Variants in RFX7 observed in about 807,000 individuals in gnomAD.
The protein encoded by RFX7 is regulatory factor X7.
A neutral mutation model predicts 111.8 loss-of-function variants in RFX7; 26 were observed. The ratio of observed to expected loss-of-function variants is 0.23; its 90% confidence interval spans 0.17 to 0.32. The LOEUF is 0.32. RFX7 is among the 10% of genes least tolerant of loss of function. RFX7 has a pLI of 1.00. For synonymous variants in RFX7, 624 were observed against 624.4 expected (o/e 1.00, Z 0.01); for missense variants, 1,573 against 1,772.9 (o/e 0.89, Z 2.02).
chr15:56,164,912 GA>G (rs1397820563), intron 3 of RFX7, among the ~76,000 whole-genome samples: 4 of 152,172 alleles, frequency 2.6e-5, no homozygotes, highest in African/African-American at 9.7e-5. Context: ...AAGGTAGAAA[GA>G]AAAAGTCTTT....
rs559075028 is a variant in RFX7 at position 56,100,178 on chromosome 15, T to C, written c.811+1181A>G. Among the ~76,000 whole-genome samples the C allele has an allele frequency of 1.1e-4, 17 of 152,348 alleles. No homozygotes were observed. In the South Asian group the frequency reaches 1.7e-3, roughly 15 times the overall value. On this transcript the variant is annotated intron_variant, in intron 8 of 9. Coordinates refer to ENST00000559447, the MANE Select transcript of RFX7 (RefSeq NM_022841.7). ...ACTTATGTGCCCATGGACAAGTTAA[T>C]TGACCTCCCCAAGTCTATAAATTGG... is the stretch of plus-strand genomic sequence containing the variant.
At chr15:56,133,941 C>CTTTGTATTGTAAGAG (rs2042252508) in intron 5 of RFX7, among the ~76,000 whole-genome samples, 2 of 152,074 alleles carry the variant, frequency 1.3e-5, no homozygotes, top group Admixed American at 1.3e-4. Context: ...TTACAATAAC[C>CTTTGTATTGTAAGAG]ATATTATTTG....
chr15:56,174,446 A>G (rs1419882657), intron 3 of RFX7, among the ~76,000 whole-genome samples: 1 of 152,162 alleles, frequency 6.6e-6, no homozygotes, highest in East Asian at 1.9e-4. Context: ...ATTGTTGGAT[A>G]AAAATCAGCA....
intron 2 of RFX7, among the ~76,000 whole-genome samples, chr15:56,204,666 G>C (rs1014154068): frequency 6.6e-6 from 1 of 152,114 alleles, no homozygotes; most frequent in African/African-American, 2.4e-5. Flanking sequence ...AATGATCTAT[G>C]GAGCTATACT....
At chr15:56,163,218 C>T (rs1437420870) in intron 3 of RFX7, among the ~76,000 whole-genome samples, 9 of 152,092 alleles carry the variant, frequency 5.9e-5, no homozygotes, top group African/African-American at 1.4e-4. Flanking sequence ...ATACTCCACA[C>T]ATCCATAACC....
chr15:56,207,373 G>T (rs2043264948), intron 2 of RFX7, among the ~76,000 whole-genome samples: 1 of 152,138 alleles, frequency 6.6e-6, no homozygotes, highest in Non-Finnish European at 1.5e-5. Flanking sequence ...TACAATCAAT[G>T]TGACTGTACT....
At chr15:56,113,198 C>G (rs2041962170) in intron 5 of RFX7, among the ~76,000 whole-genome samples, 1 of 152,136 alleles carries the variant, frequency 6.6e-6, no homozygotes. Flanking sequence ...AAGACACATG[C>G]AAATGTATGT....
At chr15:56,104,132 A>G (rs1206742035) in intron 5 of RFX7, among the ~76,000 whole-genome samples, 1 of 152,160 alleles carries the variant, frequency 6.6e-6, no homozygotes, top group Non-Finnish European at 1.5e-5. Flanking sequence ...GACCCTACGA[A>G]TACACCAACA....
At chr15:56,151,241 C>A (rs1464967367) in intron 3 of RFX7, among the ~76,000 whole-genome samples, 1 of 152,010 alleles carries the variant, frequency 6.6e-6, no homozygotes, top group Non-Finnish European at 1.5e-5. Context: ...AAGAGCAACC[C>A]CAAGACACAT....
intron 3 of RFX7, among the ~76,000 whole-genome samples, chr15:56,171,819 G>T (rs539663519): frequency 6.6e-6 from 1 of 152,240 alleles, no homozygotes; most frequent in East Asian, 1.9e-4. Flanking sequence ...GTGACATCCA[G>T]GTAAAACTGA....
At chr15:56,154,420 T>C (rs890518694) in intron 3 of RFX7, among the ~76,000 whole-genome samples, 3 of 152,164 alleles carry the variant, frequency 2.0e-5, no homozygotes, top group Non-Finnish European at 4.4e-5. Context: ...ATGGTACTGG[T>C]GCCAAAACAA....
chr15:56,120,999 C>T (rs2042071207), intron 5 of RFX7, among the ~76,000 whole-genome samples: 1 of 152,160 alleles, frequency 6.6e-6, no homozygotes, highest in Non-Finnish European at 1.5e-5. Context: ...ATCTATTAGT[C>T]TTCCTACTAT....
chr15:56,094,616 C>T lies in RFX7; in HGVS notation c.3112G>A (p.Ala1038Thr), dbSNP rs753151813. The change falls in exon 10 of 10, where the codon GCC becomes ACC. Residue 1038 changes from alanine to threonine, a missense_variant. Physicochemically the swap from Ala to Thr is moderately conservative, Grantham distance 58 (BLOSUM62 0). Transcript: ENST00000559447. The stretch of plus-strand genomic sequence containing the variant: ...ACAGGACTACTTGAGACAATGCTGG[C>T]GTCATGATATGCCATACTGGAGCTT... ...PISSSMAYHD[A>T]SIVSSSPVKP... is the part of the protein sequence containing the mutation. 32 of 1,613,758 alleles carry T rather than the reference C, an allele frequency of 2.0e-5. No individual in the cohort carries two copies. Among genetic ancestry groups the T allele is most frequent in the South Asian group, 3.3e-5 (3 of 91,076 alleles).
chr15:56,088,325 T>A lies in RFX7; in HGVS notation c.*5020A>T, dbSNP rs2041552091. 1 of 152,778 alleles carries A rather than the reference T, an allele frequency of 6.5e-6. No individual in the cohort carries two copies. The highest frequency in any genetic ancestry group is 1.5e-5 in the Non-Finnish European group (1 of 68,500). 9.5% of individuals were successfully genotyped at this position (152,778 alleles called of 1,614,324 possible). A position where few individuals can be genotyped will look rare whatever the true frequency, so the allele number is the denominator to read the frequency against. On this transcript the variant is annotated 3_prime_UTR_variant, in exon 10 of 10. Coordinates refer to ENST00000559447, the MANE Select transcript of RFX7 (RefSeq NM_022841.7). ...CCAGTTAATCTCTGAAGTAAAATTTTCTCACCTGAAAAATAATACTCGCTA... is the reference window on the plus strand; with the variant it reads ...CCAGTTAATCTCTGAAGTAAAATTTACTCACCTGAAAAATAATACTCGCTA...
At chr15:56,175,663 A>G (rs115878138) in intron 3 of RFX7, among the ~76,000 whole-genome samples, 4,266 of 152,274 alleles carry the variant, frequency 0.028, 196 homozygotes, top group African/African-American at 0.097. Context: ...CTGGATATCC[A>G]TCCATATTGT....
Position 56,093,598 on chromosome 15 carries a change from G to A in RFX7, c.4130C>T (p.Ala1377Val), listed in dbSNP as rs1171774966. ...CCTGATATCGCTAGAGAAATCAGAT[G>A]CAGTATTAGTGAGATCAGATGCTCC... ...GQGASDLTNT[A>V]SDFSSDIRLS... The change falls in exon 10 of 10, where the codon GCA becomes GTA. Residue 1377 changes from alanine (A) to valine (V), a missense_variant. By Grantham distance (64) the Ala-to-Val change is moderately conservative. This residue lies in a region of RFX7 where 411 missense variants were observed against 478.1 expected (regional missense o/e 0.86). Transcript: ENST00000559447. 1 of 1,613,726 alleles carries A rather than the reference G, an allele frequency of 6.2e-7. No individual in the cohort carries two copies.
chr15:56,092,848 C>T lies in RFX7; in HGVS notation c.*497G>A, dbSNP rs2041614379. On this transcript the variant is annotated 3_prime_UTR_variant, in exon 10 of 10. Coordinates refer to ENST00000559447, the MANE Select transcript of RFX7 (RefSeq NM_022841.7). ...AGTCCTACAGAGATTTTTCACCCTA[C>T]AGTAGCTCTATGCTTCAAGCCTAAA... 1.3e-5 allele frequency: 2 copies of T among 153,168 alleles called. No individual in the cohort carries two copies. Among genetic ancestry groups the T allele is most frequent in the African/African-American group, 2.4e-5 (1 of 41,432 alleles). The allele number at this position is 153,168 out of a possible 1,614,324, so 9.5% of individuals were successfully genotyped here.
intron 3 of RFX7, among the ~76,000 whole-genome samples, chr15:56,150,090 C>T (rs1182379024): frequency 1.3e-5 from 2 of 152,150 alleles, no homozygotes; most frequent in East Asian, 1.9e-4. Flanking sequence ...GTTTCACAGC[C>T]ACAGGATAAA....
At chr15:56,200,301 G>A (rs940141132) in intron 2 of RFX7, among the ~76,000 whole-genome samples, 4 of 152,124 alleles carry the variant, frequency 2.6e-5, no homozygotes, top group African/African-American at 9.7e-5. Context: ...TGGGAGATGA[G>A]ATTTTAAGCC....
Sources: gnomAD v4.1 joint callset for allele counts (sites outside exome capture counted in the v4.1 genomes callset) on GRCh38, gnomAD v4.1.1 for gene constraint, gnomAD v4.1.1 regional missense constraint, MANE v1.5 for transcripts, NCBI Gene and HGNC (gene_info 2026-07-23, HGNC 2026-07-21) for gene names.